The following MRPL36 variants were observed in gnomAD, a reference collection of about 807,000 sequenced individuals.
The protein encoded by MRPL36 is large ribosomal subunit protein bL36m.
MRPL36 carries 1 observed loss-of-function variant against 2.8 expected under a neutral mutation model. The ratio of observed to expected loss-of-function variants is 0.36; its 90% CI spans 0.13 to 1.69. The LOEUF is 1.69. Among genes scored for constraint, MRPL36 ranks in the 40% most tolerant of loss-of-function variants. The probability of loss-of-function intolerance (pLI) is 0.35; values close to 1 mark genes in which losing one functional copy is unlikely to be tolerated. For synonymous variants in MRPL36, 68 were observed against 54.8 expected, an observed-to-expected ratio of 1.24 and a Z score of -1.06; for missense variants, 148 against 132.7, an observed-to-expected ratio of 1.12 and a Z score of -0.57.
At chr5:1,800,343 C>T (rs1013712015), upstream of MRPL36, among the ~76,000 whole-genome samples, 15 of 152,230 alleles carry the variant, frequency 9.9e-5, no homozygotes, top group Admixed American at 6.5e-4. Flanking sequence ...TTATCCCTGC[C>T]TTTTCAGGTA....
At chr5:1,800,298 A>C (rs1205929934), upstream of MRPL36, among the ~76,000 whole-genome samples, 1 of 146,998 alleles carries the variant, frequency 6.8e-6, no homozygotes, top group East Asian at 2.0e-4. Context: ...GTGAACACCC[A>C]TATACTTGCC....
intron 1 of MRPL36, 22 bp from the exon 2 acceptor site, chr5:1,798,969 G>C (rs200456761): frequency 5.6e-5 from 85 of 1,522,122 alleles, no homozygotes; most frequent in Middle Eastern, 3.5e-4. Flanking sequence ...AGAAAAAAAG[G>C]AGTTATAGCT....
In MRPL36 at chr5:1,798,678, A is replaced by G. The variant is rs141000957; in HGVS notation, c.258T>C (p.Gly86=). ...GGGTTTTACAGTAGACGTACCACCG[A>G]CCCCGCCTCTTCACCAGGTAACAGT... ...CKDCYLVKRR[G]RWYVYCKTHP... is the part of the protein sequence containing the mutation. The change falls in exon 2 of 2, where the codon GGT becomes GGC. Residue 86 remains glycine, a synonymous_variant. Coordinates refer to ENST00000505059, the MANE Select transcript of MRPL36 (RefSeq NM_032479.4). 9 of 1,611,646 alleles carry G rather than the reference A, an allele frequency of 5.6e-6. No homozygotes were observed. In the African/African-American group the frequency reaches 9.4e-5, roughly 17 times the overall value.
In MRPL36 at chr5:1,798,867, A is replaced by G; in HGVS notation, c.69T>C (p.Pro23=). 1 of 1,613,194 alleles carries G rather than the reference A, an allele frequency of 6.2e-7. No individual in the cohort carries two copies. The highest frequency in any genetic ancestry group is 8.5e-7 in the Non-Finnish European group (1 of 1,179,294). Residue 23 remains proline, a synonymous_variant, in exon 2 of 2, where the codon CCT becomes CCC. Coordinates refer to ENST00000505059, the MANE Select transcript of MRPL36 (RefSeq NM_032479.4). ...LLYLSRHTVK[P]RALSTFLFGS... is the part of the protein sequence containing the mutation. ...CAAATAGAAATGTGGAGAGGGCTCG[A>G]GGCTTCACCGTGTGACGACTGAGAT...
chr5:1,798,622 G>A lies in MRPL36; in HGVS notation c.*2C>T. On this transcript the variant is annotated 3_prime_UTR_variant, in exon 2 of 2. Transcript: ENST00000505059. ...ATGTGCGTGACTCTGGAGGGAAAGG[G>A]TCTACATCTGTCTCTGCTTGTGCCT... The A allele has an allele frequency of 6.2e-7, 1 of 1,605,778 alleles. No individual in the cohort carries two copies. Among genetic ancestry groups the A allele is most frequent in the Non-Finnish European group, 8.5e-7 (1 of 1,173,030 alleles).
intron 1 of MRPL36, chr5:1,799,389 G>A (rs554394353): frequency 2.6e-5 from 4 of 153,586 alleles, no homozygotes; most frequent in African/African-American, 9.6e-5. Context: ...GAAGAGCACG[G>A]AACTCTGGCA....
intron 1 of MRPL36, chr5:1,799,185 T>G: frequency 2.2e-6 from 1 of 447,610 alleles, no homozygotes; most frequent in Non-Finnish European, 4.0e-6. Context: ...CTGCTGCAAG[T>G]GTAGGTGAGT....
rs1325492500 is a variant in MRPL36, at chr5:1,798,601, G to A, written c.*23C>T. 8.8e-6 allele frequency: 14 copies of A among 1,586,178 alleles called. 1 individual carries two copies. Among genetic ancestry groups the A allele is most frequent in the Non-Finnish European group, 1.2e-5 (14 of 1,158,504 alleles). On this transcript the variant is annotated 3_prime_UTR_variant, in exon 2 of 2. Transcript: ENST00000505059. ...CCAAGTGATGCGATGACGAGTATGT[G>A]CGTGACTCTGGAGGGAAAGGGTCTA...
At chr5:1,801,414 C>CA (rs1308592069), upstream of MRPL36, 4 of 1,605,694 alleles carry the variant, frequency 2.5e-6, no homozygotes, top group Non-Finnish European at 3.4e-6. Context: ...GCCAGCGGCG[C>CA]AAAATGGCGG....
upstream of MRPL36, chr5:1,801,298 G>C: frequency 7.1e-7 from 1 of 1,405,628 alleles, no homozygotes; most frequent in Non-Finnish European, 9.4e-7. Context: ...CCTCTGCCCC[G>C]ACCCGCGCTC....
chr5:1,801,296 C>A (rs887429698), upstream of MRPL36: 2 of 1,410,342 alleles, frequency 1.4e-6, no homozygotes, highest in African/African-American at 2.9e-5. Context: ...ACCCTCTGCC[C>A]CGACCCGCGC....
In MRPL36 at chr5:1,798,638, G is replaced by C. The variant is rs758373620; in HGVS notation, c.298C>G (p.Gln100Glu). The change falls in exon 2 of 2, where the codon CAG becomes GAG. Residue 100 changes from glutamine to glutamate, a missense_variant. By Grantham distance (29) the Gln-to-Glu change is conservative (BLOSUM62 2). Transcript: ENST00000505059. ...AGGGAAAGGGTCTACATCTGTCTCT[G>C]CTTGTGCCTCGGATGGGTTTTACAG... ...VYCKTHPRHK[Q>E]RQM 4.1e-5 allele frequency: 66 copies of C among 1,609,796 alleles called. No individual in the cohort carries two copies. Among genetic ancestry groups the C allele is most frequent in the Middle Eastern group, 1.6e-4 (1 of 6,066 alleles).
rs200124250 is a variant in MRPL36, at chr5:1,798,899, G to A, written c.37C>T (p.Leu13=). ...NLFIRKMVNP[L]LYLSRHTVKP... ...ACCGTGTGACGACTGAGATAGAGCAGAGGGTTCACCATTTTCCTTATAAAA... is the reference window on the plus strand; with the variant it reads ...ACCGTGTGACGACTGAGATAGAGCAAAGGGTTCACCATTTTCCTTATAAAA... Residue 13 remains leucine, a synonymous_variant, in exon 2 of 2, where the codon CTG becomes TTG. Coordinates refer to ENST00000505059, the MANE Select transcript of MRPL36 (RefSeq NM_032479.4). 3 of 1,605,368 alleles carry A rather than the reference G, an allele frequency of 1.9e-6. No individual in the cohort carries two copies. The highest frequency in any genetic ancestry group is 2.2e-5 in the South Asian group (2 of 90,920).
upstream of MRPL36, chr5:1,801,394 C>T (rs779524444): frequency 1.9e-6 from 3 of 1,602,752 alleles, no homozygotes; most frequent in Middle Eastern, 1.7e-4. Context: ...GACGTTGCGC[C>T]GGGTCAAAGG....
At chr5:1,801,357 C>T (rs568903655), upstream of MRPL36, 45 of 1,574,456 alleles carry the variant, frequency 2.9e-5, no homozygotes, top group African/African-American at 5.0e-4. Context: ...CCGCCAGAAG[C>T]CGTGCGCATG....
At chr5:1,800,111 G>A (rs1210225909), upstream of MRPL36, among the ~76,000 whole-genome samples, 1 of 152,196 alleles carries the variant, frequency 6.6e-6, no homozygotes, top group African/African-American at 2.4e-5. Flanking sequence ...GAAAAAACTG[G>A]CAAATACCAA....
chr5:1,801,408 G>C (rs1734034541), upstream of MRPL36: 2 of 1,605,278 alleles, frequency 1.2e-6, no homozygotes, highest in African/African-American at 1.3e-5. Context: ...TCAAAGGCCA[G>C]CGGCGCAAAA....
chr5:1,798,980 TCTC>T (rs1249755855), intron 1 of MRPL36, 33 bp from the exon 2 acceptor site: 5 of 1,475,808 alleles, frequency 3.4e-6, no homozygotes, highest in South Asian at 1.3e-5. Context: ...AGTTATAGCT[TCTC>T]CTGCACTTCC....
rs1733915760 is a variant in MRPL36, at chr5:1,798,557, A to G, written c.*67T>C. ...ACTCCTTGATGTGATAATTCCTTCC[A>G]TAAGATACAACCATTCTCCCAAGTG... On this transcript the variant is annotated 3_prime_UTR_variant, in exon 2 of 2. Coordinates refer to ENST00000505059, the MANE Select transcript of MRPL36 (RefSeq NM_032479.4). 1.8e-5 allele frequency: 27 copies of G among 1,486,274 alleles called. No homozygotes were observed. Among genetic ancestry groups the G allele is most frequent in the Non-Finnish European group, 2.0e-5 (22 of 1,091,634 alleles). The allele number at this position is 1,486,274 out of a possible 1,614,324, so 92.1% of individuals were successfully genotyped here.
Sources: gnomAD v4.1 joint callset for allele counts (sites outside exome capture counted in the v4.1 genomes callset) on GRCh38, gnomAD v4.1.1 for gene constraint, MANE v1.5 for transcripts, NCBI Gene and HGNC (gene_info 2026-07-23, HGNC 2026-07-21) for gene names.